NHSL3: variants seen among roughly 807,000 people sequenced by gnomAD.
NHSL3 encodes NHS-like protein 3.
the NHSL3 span, among the ~76,000 whole-genome samples, chr1:32,757,177 G>A: frequency 1.3e-5 from 2 of 152,212 alleles, no homozygotes; most frequent in African/African-American, 2.4e-5. Flanking sequence ...TCAAGTGCCA[G>A]TATAAGTACT....
chr1:32,744,366 G>C, the NHSL3 span, among the ~76,000 whole-genome samples: 1 of 152,146 alleles, frequency 6.6e-6, no homozygotes. Context: ...AAGAAGAGAG[G>C]AAGTCTGACA....
chr1:32,768,168 CT>C, the NHSL3 span: 2 of 1,236,160 alleles, frequency 1.6e-6, no homozygotes, highest in South Asian at 1.2e-5. Flanking sequence ...TGCTTGACCC[CT>C]GGCAAGGATG....
the NHSL3 span, among the ~76,000 whole-genome samples, chr1:32,757,890 C>T: frequency 6.6e-6 from 1 of 152,156 alleles, no homozygotes; most frequent in Non-Finnish European, 1.5e-5. Flanking sequence ...AGAAAGCCTG[C>T]GGCCCCGGCC....
At chr1:32,761,669 G>A in the NHSL3 span, among the ~76,000 whole-genome samples, 1 of 152,140 alleles carries the variant, frequency 6.6e-6, no homozygotes, top group Admixed American at 6.5e-5. Context: ...TACCTGCCTC[G>A]AAGAACTTTT....
At chr1:32,769,064 C>T in the NHSL3 span, 289 of 273,476 alleles carry the variant, frequency 1.1e-3, 2 homozygotes, top group African/African-American at 6.0e-3. Flanking sequence ...TCCTGGCTAA[C>T]ACGGTGAATG....
the NHSL3 span, among the ~76,000 whole-genome samples, chr1:32,756,958 C>G: frequency 2.9e-4 from 44 of 152,238 alleles, 1 homozygote; most frequent in African/African-American, 1.1e-3. Flanking sequence ...GACAAGAACT[C>G]GACTCCATTT....
chr1:32,759,721 C>T, the NHSL3 span, among the ~76,000 whole-genome samples: 3 of 152,168 alleles, frequency 2.0e-5, no homozygotes, highest in African/African-American at 7.2e-5. Context: ...AGATTGAGGT[C>T]GTGCCCCTCC....
chr1:32,747,176 G>GTT, the NHSL3 span, among the ~76,000 whole-genome samples: 1 of 147,468 alleles, frequency 6.8e-6, no homozygotes, highest in African/African-American at 2.5e-5. Context: ...GACAAAGATG[G>GTT]TTTTTTTTTT....
At chr1:32,742,329 T>G in the NHSL3 span, 4 of 846,134 alleles carry the variant, frequency 4.7e-6, no homozygotes, top group Non-Finnish European at 6.3e-6. Flanking sequence ...AGGCCAGGGC[T>G]GAGTCCGAAC....
At chr1:32,743,164 T>G in the NHSL3 span, among the ~76,000 whole-genome samples, 1 of 152,196 alleles carries the variant, frequency 6.6e-6, no homozygotes, top group Non-Finnish European at 1.5e-5. Context: ...TGGGGCTTGC[T>G]GTCCTGGGAA....
At chr1:32,767,625 C>T in the NHSL3 span, among the ~76,000 whole-genome samples, 1 of 151,962 alleles carries the variant, frequency 6.6e-6, no homozygotes, top group East Asian at 1.9e-4. Flanking sequence ...GTGTTTACTC[C>T]AGAACTGTGG....
At chr1:32,742,005 C>G in the NHSL3 span, 10 of 1,218,502 alleles carry the variant, frequency 8.2e-6, no homozygotes, top group Admixed American at 4.2e-4. Flanking sequence ...AGCCGGGGAA[C>G]CCGGGCGGCC....
At chr1:32,743,410 A>G in the NHSL3 span, among the ~76,000 whole-genome samples, 1 of 152,138 alleles carries the variant, frequency 6.6e-6, no homozygotes, top group Non-Finnish European at 1.5e-5. Flanking sequence ...ACAGCCACAC[A>G]TAGAAGTGAG....
chr1:32,752,029 G>A, the NHSL3 span, among the ~76,000 whole-genome samples: 2 of 152,182 alleles, frequency 1.3e-5, no homozygotes, highest in South Asian at 2.1e-4. Flanking sequence ...TTCTTTTTAT[G>A]GGCCCCAGTT....
the NHSL3 span, chr1:32,767,684 C>T: frequency 9.5e-6 from 9 of 950,956 alleles, no homozygotes; most frequent in Non-Finnish European, 1.4e-5. Context: ...TATGCAATGG[C>T]CGTGTGCAGT....
the NHSL3 span, chr1:32,770,850 C>T: frequency 6.2e-7 from 1 of 1,607,910 alleles, no homozygotes; most frequent in East Asian, 2.2e-5. The surrounding 1 kb of genome is among the most constrained non-coding windows in gnomAD (Gnocchi z 8.3). Flanking sequence ...CAGCCAACAG[C>T]TGGGTACCTG....
At chr1:32,744,649 A>G in the NHSL3 span, among the ~76,000 whole-genome samples, 1 of 152,142 alleles carries the variant, frequency 6.6e-6, no homozygotes. Context: ...CAGGCCAATG[A>G]GAGTTTAAAT....
At chr1:32,761,968 T>A in the NHSL3 span, among the ~76,000 whole-genome samples, 3 of 152,176 alleles carry the variant, frequency 2.0e-5, no homozygotes, top group Non-Finnish European at 4.4e-5. Context: ...GCTTTTGGAT[T>A]CAAGTTGTTC....
chr1:32,755,161 G>A, the NHSL3 span, among the ~76,000 whole-genome samples: 1 of 152,250 alleles, frequency 6.6e-6, no homozygotes, highest in Non-Finnish European at 1.5e-5. Context: ...CGCTGAAGGA[G>A]GGGCTATCGA....
Sources: gnomAD v4.1 joint callset for allele counts (sites outside exome capture counted in the v4.1 genomes callset) on GRCh38, gnomAD v4.1.1 for gene constraint, Gnocchi (gnomAD v3.1) non-coding constraint, MANE v1.5 for transcripts, NCBI Gene and HGNC (gene_info 2026-07-23, HGNC 2026-07-21) for gene names.